The following ADCY8 variants were observed in gnomAD, a reference collection of about 807,000 sequenced individuals.
ADCY8 encodes the protein adenylate cyclase type 8.
ADCY8 carries 51 observed loss-of-function variants against 119.7 expected under a neutral mutation model. The ratio of observed to expected loss-of-function variants is 0.43; its 90% confidence interval spans 0.34 to 0.54. The LOEUF (loss-of-function observed/expected upper bound fraction) is 0.54, where lower values mean the gene tolerates loss of function less well. ADCY8 is among the 20% of genes least tolerant of loss of function. The pLI is 0.03. For missense variants in ADCY8, 1,383 were observed against 1,598.8 expected (o/e 0.87, Z 2.30); for synonymous variants, 665 against 651.0 (o/e 1.02, Z -0.33).
At chr8:130,855,522 G>T (rs1043497617) in intron 9 of ADCY8, among the ~76,000 whole-genome samples, 2 of 152,036 alleles carry the variant, frequency 1.3e-5, no homozygotes, top group African/African-American at 4.8e-5. Context: ...TGAGGGTCCA[G>T]GTCTCTTCCC....
chr8:130,800,701 G>A, intron 14 of ADCY8, 129 bp from the exon 15 acceptor site: 1 of 1,013,586 alleles, frequency 9.9e-7, no homozygotes, highest in Non-Finnish European at 1.5e-6. Context: ...ATGAGGCTTG[G>A]ATATCGTTAT....
At chr8:131,033,531 C>T (rs752943024) in intron 1 of ADCY8, among the ~76,000 whole-genome samples, 81 of 152,220 alleles carry the variant, frequency 5.3e-4, no homozygotes, top group Middle Eastern at 3.4e-3. Flanking sequence ...CTCTGACCTG[C>T]TGATAACAGT....
Position 130,800,494 on chromosome 8 carries a change from T to C in ADCY8, c.2992A>G (p.Thr998Ala), listed in dbSNP as rs1376134109. ...TCCACTCCCTGGTTATTCATTTCAGTCTGAGAGTAAAAGTCCGCAAATCCT... is the reference window on the plus strand; with the variant it reads ...TCCACTCCCTGGTTATTCATTTCAGCCTGAGAGTAAAAGTCCGCAAATCCT... Reference protein sequence around the residue: ...IPGFADFYSQTEMNNQGVECL... With the variant: ...IPGFADFYSQAEMNNQGVECL... The change falls in exon 15 of 18, where the codon ACT (threonine) becomes GCT (alanine). Residue 998 changes from threonine to alanine, a missense_variant. Physicochemically the swap from Thr to Ala is moderately conservative, Grantham distance 58. Coordinates refer to ENST00000286355, the MANE Select transcript of ADCY8 (RefSeq NM_001115.3). 6.2e-7 allele frequency: 1 copy of C among 1,614,178 alleles called. No individual in the cohort carries two copies. Among genetic ancestry groups the C allele is most frequent in the Non-Finnish European group, 8.5e-7 (1 of 1,180,038 alleles).
intron 5 of ADCY8, among the ~76,000 whole-genome samples, chr8:130,925,975 T>C (rs1563731357): frequency 6.6e-6 from 1 of 152,172 alleles, no homozygotes; most frequent in Non-Finnish European, 1.5e-5. Flanking sequence ...CTCTCCACAG[T>C]CATCTTCCTG....
intron 1 of ADCY8, among the ~76,000 whole-genome samples, chr8:131,036,361 A>G (rs931793267): frequency 6.6e-6 from 1 of 152,172 alleles, no homozygotes; most frequent in Non-Finnish European, 1.5e-5. Context: ...TTACACACAT[A>G]TGATGTGTAT....
At chr8:130,797,160 G>C (rs1815607195) in intron 15 of ADCY8, among the ~76,000 whole-genome samples, 1 of 152,188 alleles carries the variant, frequency 6.6e-6, no homozygotes, top group South Asian at 2.1e-4. Context: ...GCCACATGTG[G>C]CCCAGGACGT....
At chr8:130,905,824 C>A (rs1375267207) in intron 6 of ADCY8, among the ~76,000 whole-genome samples, 1 of 152,206 alleles carries the variant, frequency 6.6e-6, no homozygotes, top group Non-Finnish European at 1.5e-5. Flanking sequence ...CATGCCACTG[C>A]ACTTCATTCT....
At chr8:130,856,543 G>T (rs924757394) in intron 9 of ADCY8, among the ~76,000 whole-genome samples, 2 of 152,142 alleles carry the variant, frequency 1.3e-5, no homozygotes, top group Non-Finnish European at 2.9e-5. Flanking sequence ...CCACCCCGAG[G>T]TGCCTTCGGT....
In ADCY8 at chr8:130,849,672, G is replaced by C; in HGVS notation, c.2342C>G (p.Thr781Ser). 1.9e-6 allele frequency: 3 copies of C among 1,614,066 alleles called. No homozygotes were observed. The highest frequency in any genetic ancestry group is 2.5e-6 in the Non-Finnish European group (3 of 1,179,944). The change falls in exon 10 of 18, where the codon ACC becomes AGC. Residue 781 changes from threonine to serine, a missense_variant. Coordinates refer to ENST00000286355, the MANE Select transcript of ADCY8 (RefSeq NM_001115.3). Reference sequence around the variant, plus strand: ...GATGATGACGTTCCGGGCCAAATAGGTCTCATTAATCCAACAGCAAGTTTT... The same window carrying C: ...GATGATGACGTTCCGGGCCAAATAGCTCTCATTAATCCAACAGCAAGTTTT... ...LRKTCCWINETYLARNVIIFA... is the reference protein window; with the variant it reads ...LRKTCCWINESYLARNVIIFA...
intron 6 of ADCY8, among the ~76,000 whole-genome samples, chr8:130,907,444 C>T (rs1344852693): frequency 6.6e-6 from 1 of 152,182 alleles, no homozygotes; most frequent in Non-Finnish European, 1.5e-5. Context: ...ACATTGACAA[C>T]ATGCCATGGC....
At chr8:130,928,403 C>T (rs1820534560) in intron 5 of ADCY8, among the ~76,000 whole-genome samples, 1 of 151,988 alleles carries the variant, frequency 6.6e-6, no homozygotes, top group African/African-American at 2.4e-5. Flanking sequence ...TGATATTAGC[C>T]CTGGGTTTGT....
chr8:130,899,520 C>T lies in ADCY8; in HGVS notation c.1911+4252G>A, dbSNP rs1318150738. Among the ~76,000 whole-genome samples, 8 of 151,910 alleles carry T rather than the reference C, an allele frequency of 5.3e-5. No individual in the cohort carries two copies. In the South Asian group the frequency reaches 6.2e-4, roughly 12 times the overall value. On this transcript the variant is annotated intron_variant, in intron 7 of 17. Transcript: ENST00000286355. ...ACTTAAGAGGCTGAGTTGGAAGAAT[C>T]GCTGGAACCCGGGAGGCGGAGGTTG...
chr8:131,025,931 G>C (rs1329699727), intron 1 of ADCY8, among the ~76,000 whole-genome samples: 1 of 152,176 alleles, frequency 6.6e-6, no homozygotes, highest in African/African-American at 2.4e-5. Flanking sequence ...ATGGATGACT[G>C]TCTATAACTC....
At chr8:131,014,676 C>A (rs1823414036) in intron 1 of ADCY8, among the ~76,000 whole-genome samples, 3 of 152,142 alleles carry the variant, frequency 2.0e-5, no homozygotes, top group South Asian at 2.1e-4. Context: ...CCAGCTCTGC[C>A]TTTTACTAGT....
chr8:131,020,769 G>T (rs1276592221), intron 1 of ADCY8, among the ~76,000 whole-genome samples: 1 of 152,152 alleles, frequency 6.6e-6, no homozygotes, highest in Non-Finnish European at 1.5e-5. Flanking sequence ...CACCCTCGGG[G>T]ACTACTTTCT....
intron 1 of ADCY8, among the ~76,000 whole-genome samples, chr8:131,010,952 A>T (rs551091892): frequency 6.6e-6 from 1 of 152,350 alleles, no homozygotes; most frequent in East Asian, 1.9e-4. Context: ...TTAAAACCTA[A>T]CCCCAGTGAA....
chr8:130,825,779 AT>A (rs1816651596), intron 12 of ADCY8, among the ~76,000 whole-genome samples: 1 of 152,058 alleles, frequency 6.6e-6, no homozygotes, highest in Non-Finnish European at 1.5e-5. Flanking sequence ...TACTGACCTA[AT>A]TTTTACTTTT....
In ADCY8 at chr8:130,964,183, G is replaced by A. The variant is rs368272882; in HGVS notation, c.1111-12185C>T. 7.9e-5 allele frequency among the ~76,000 whole-genome samples: 12 copies of A among 152,272 alleles called. 1 individual carries two copies. The highest frequency in any genetic ancestry group is 3.9e-4 in the Admixed American group (6 of 15,296). Reference sequence around the variant, plus strand: ...CCTGTACCACCTTAGTGTGGTAGACGCTCTCTTGGCTGACATCCATTTAAT... The same window carrying A: ...CCTGTACCACCTTAGTGTGGTAGACACTCTCTTGGCTGACATCCATTTAAT... On this transcript the variant is annotated intron_variant, in intron 2 of 17. Coordinates refer to ENST00000286355, the MANE Select transcript of ADCY8 (RefSeq NM_001115.3).
intron 2 of ADCY8, among the ~76,000 whole-genome samples, chr8:130,981,827 C>T (rs112472367): frequency 0.012 from 1,833 of 152,310 alleles, 46 homozygotes; most frequent in African/African-American, 0.042. Context: ...GGTGATCCAA[C>T]AGTTCAAGGA....
Sources: allele counts gnomAD v4.1 joint callset (sites outside exome capture counted in the v4.1 genomes callset), GRCh38; gene constraint gnomAD v4.1.1; transcripts MANE v1.5; gene names NCBI Gene and HGNC (gene_info 2026-07-23, HGNC 2026-07-21).